CNOT6: variants seen among roughly 807,000 people sequenced by gnomAD.
CNOT6 encodes carbon catabolite repression 4 protein.
In CNOT6, 12 loss-of-function variants were observed where a neutral mutation model predicts 61.2. The ratio of observed to expected loss-of-function variants is 0.20; its 90% CI spans 0.13 to 0.32. The LOEUF (loss-of-function observed/expected upper bound fraction) is 0.32. Ranked by LOEUF, CNOT6 falls within the 10% of genes least tolerant of loss-of-function variation. CNOT6 has a pLI of 1.00. For synonymous variants in CNOT6, 225 were observed against 240.6 expected (o/e 0.94, Z 0.60); for missense variants, 405 against 663.9 (o/e 0.61, Z 4.28).
chr5:180,556,516 C>G (rs1278000031), intron 4 of CNOT6, among the ~76,000 whole-genome samples: 6 of 152,070 alleles, frequency 3.9e-5, no homozygotes, highest in Non-Finnish European at 8.8e-5. Flanking sequence ...TCACATTGTT[C>G]CCCATAAACA....
At chr5:180,563,999 G>C (rs538975488) in intron 4 of CNOT6, among the ~76,000 whole-genome samples, 3 of 152,132 alleles carry the variant, frequency 2.0e-5, no homozygotes, top group Non-Finnish European at 2.9e-5. Flanking sequence ...GCTTTGTTCA[G>C]TATGACTTTA....
chr5:180,518,828 G>A (rs922854362), intron 1 of CNOT6, among the ~76,000 whole-genome samples: 21 of 152,284 alleles, frequency 1.4e-4, no homozygotes, highest in African/African-American at 3.9e-4. Flanking sequence ...TTATAAACGC[G>A]CTCTTTCTCT....
rs1761010283 is a variant in CNOT6 at position 180,576,648 on chromosome 5, A to C, written c.*2448A>C. On this transcript the variant is annotated 3_prime_UTR_variant, in exon 12 of 12. Transcript: ENST00000261951. ...ACCAAGAGTGTAGATTTACAAGTGT[A>C]ACCTTCAAAAGAGGAAGAACTATTT... 6.6e-6 allele frequency: 1 copy of C among 152,216 alleles called. No homozygotes were observed. Among genetic ancestry groups the C allele is most frequent in the African/African-American group, 2.4e-5 (1 of 41,408 alleles). 9.4% of individuals were successfully genotyped at this position (152,216 alleles called of 1,614,324 possible).
chr5:180,541,468 T>C (rs1488992459), intron 2 of CNOT6, among the ~76,000 whole-genome samples: 1 of 145,376 alleles, frequency 6.9e-6, no homozygotes, highest in East Asian at 2.0e-4. Context: ...TTTTTTTTTT[T>C]TGAGACAGAG....
At chr5:180,544,413 T>C (rs1023301065) in intron 2 of CNOT6, among the ~76,000 whole-genome samples, 3 of 152,270 alleles carry the variant, frequency 2.0e-5, no homozygotes, top group Non-Finnish European at 4.4e-5. Context: ...ATAACTATTC[T>C]GTTTCATTTC....
At chr5:180,558,824 T>C (rs1760032055) in intron 4 of CNOT6, among the ~76,000 whole-genome samples, 1 of 152,068 alleles carries the variant, frequency 6.6e-6, no homozygotes, top group Non-Finnish European at 1.5e-5. Flanking sequence ...TGTTTATTAT[T>C]TTGGGACGAG....
chr5:180,538,707 TATATATATAC>T (rs1561648363), intron 2 of CNOT6, among the ~76,000 whole-genome samples: 9 of 105,150 alleles, frequency 8.6e-5, no homozygotes, highest in Non-Finnish European at 1.5e-4. Flanking sequence ...TATATATATA[TATATATATAC>T]AAAAAAATTA....
At chr5:180,497,806 G>C (rs988937389) in intron 1 of CNOT6, among the ~76,000 whole-genome samples, 12 of 152,298 alleles carry the variant, frequency 7.9e-5, no homozygotes, top group Non-Finnish European at 1.6e-4. Context: ...CACTTTGGGA[G>C]GCCGAGGCGG....
chr5:180,496,987 G>A (rs1756638802), intron 1 of CNOT6, among the ~76,000 whole-genome samples: 1 of 152,214 alleles, frequency 6.6e-6, no homozygotes, highest in African/African-American at 2.4e-5. Flanking sequence ...AACTACAAAT[G>A]TGTAAAGGCG....
intron 2 of CNOT6, among the ~76,000 whole-genome samples, chr5:180,532,150 A>G (rs1031400870): frequency 5.3e-5 from 8 of 152,182 alleles, no homozygotes; most frequent in African/African-American, 1.9e-4. Context: ...ATATGCACTA[A>G]TTTTGTAGTT....
chr5:180,516,685 TTC>T (rs369608277), intron 1 of CNOT6, among the ~76,000 whole-genome samples: 100 of 152,326 alleles, frequency 6.6e-4, no homozygotes, highest in African/African-American at 2.4e-3. Context: ...GTTAAATGTC[TTC>T]TCTCATTGTC....
intron 2 of CNOT6, among the ~76,000 whole-genome samples, chr5:180,542,958 A>G (rs1231367882): frequency 6.6e-6 from 1 of 152,140 alleles, no homozygotes; most frequent in Non-Finnish European, 1.5e-5. Flanking sequence ...AATTTCTTGT[A>G]TTGCGTAGTT....
intron 4 of CNOT6, among the ~76,000 whole-genome samples, chr5:180,559,502 G>A (rs1003747690): frequency 6.6e-6 from 1 of 152,088 alleles, no homozygotes; most frequent in Admixed American, 6.6e-5. Flanking sequence ...CATCTGAAGT[G>A]AGTTTCTGTG....
At chr5:180,560,917 T>TG (rs1323136838) in intron 4 of CNOT6, among the ~76,000 whole-genome samples, 5 of 150,362 alleles carry the variant, frequency 3.3e-5, no homozygotes, top group South Asian at 2.2e-4. Context: ...TTTTTGTTGT[T>TG]GTTGGTGGTG....
chr5:180,546,443 A>T (rs1759316003), intron 2 of CNOT6, among the ~76,000 whole-genome samples: 1 of 152,090 alleles, frequency 6.6e-6, no homozygotes, highest in Non-Finnish European at 1.5e-5. Flanking sequence ...GTTAGGGTTT[A>T]TGGTGTCTTA....
intron 3 of CNOT6, among the ~76,000 whole-genome samples, 178 bp downstream of exon 3, chr5:180,550,295 C>CA (rs1312868247): frequency 4.0e-5 from 6 of 151,804 alleles, no homozygotes; most frequent in Non-Finnish European, 8.8e-5. Context: ...ACTAAAAATA[C>CA]AAAAAATTAG....
chr5:180,535,061 G>A (rs951764998), intron 2 of CNOT6, among the ~76,000 whole-genome samples: 1 of 107,264 alleles, frequency 9.3e-6, no homozygotes, highest in Non-Finnish European at 2.3e-5. Context: ...CCTGGGGTCC[G>A]AGAGGCCCTT....
At chr5:180,519,108 G>T (rs72811166) in intron 1 of CNOT6, among the ~76,000 whole-genome samples, 1 of 152,188 alleles carries the variant, frequency 6.6e-6, no homozygotes, top group African/African-American at 2.4e-5. Flanking sequence ...TCAGGGACAC[G>T]TGTGCTGTAA....
chr5:180,577,229 A>T lies in CNOT6; in HGVS notation c.*3029A>T, dbSNP rs1405591578. The T allele has an allele frequency of 6.6e-6, 1 of 151,702 alleles. No homozygotes were observed. The highest frequency in any genetic ancestry group is 2.4e-5 in the African/African-American group (1 of 41,142). The allele number at this position is 151,702 out of a possible 1,614,324, so 9.4% of individuals were successfully genotyped here. Reference sequence around the variant, plus strand: ...GATTTAGTGACAACCAGGAAAACTTACTTGGGATTATTAGCACTTTCAAAC... The same window carrying T: ...GATTTAGTGACAACCAGGAAAACTTTCTTGGGATTATTAGCACTTTCAAAC... On this transcript the variant is annotated 3_prime_UTR_variant, in exon 12 of 12. Coordinates refer to ENST00000261951, the MANE Select transcript of CNOT6 (RefSeq NM_001370472.1).
Sources: allele counts gnomAD v4.1 joint callset (sites outside exome capture counted in the v4.1 genomes callset), GRCh38; gene constraint gnomAD v4.1.1; transcripts MANE v1.5; gene names NCBI Gene and HGNC (gene_info 2026-07-23, HGNC 2026-07-21).